The following FMN1 variants were observed in gnomAD, a reference collection of about 807,000 sequenced individuals.
FMN1 encodes the protein formin 1.
A neutral mutation model predicts 132.4 loss-of-function variants in FMN1; 110 were observed. That is an observed-to-expected ratio of 0.83 (90% CI 0.71 to 0.97). The LOEUF (loss-of-function observed/expected upper bound fraction) is 0.97, where lower values mean the gene tolerates loss of function less well. Ranked by LOEUF, FMN1 falls within the 50% of genes least tolerant of loss-of-function variation. The pLI is 0.00. For missense variants in FMN1, 1,792 were observed against 1,705.3 expected (o/e 1.05, Z -0.90); for synonymous variants, 722 against 651.7 (o/e 1.11, Z -1.64).
chr15:33,178,738 T>A (rs982950226), intron 3 of FMN1, among the ~76,000 whole-genome samples: 5 of 152,226 alleles, frequency 3.3e-5, no homozygotes, highest in Admixed American at 3.3e-4. Context: ...CAGTGACTGG[T>A]ACATAGTAAG....
intron 17 of FMN1, among the ~76,000 whole-genome samples, chr15:32,850,008 CG>C (rs1282717574): frequency 5.3e-5 from 8 of 152,148 alleles, no homozygotes; most frequent in African/African-American, 1.9e-4. Context: ...TTAAGTGATC[CG>C]GAAGTCACAA....
intron 4 of FMN1, among the ~76,000 whole-genome samples, chr15:33,128,851 A>G (rs569365257): frequency 2.0e-5 from 3 of 152,370 alleles, no homozygotes; most frequent in Admixed American, 6.5e-5. Context: ...AGACAACCGG[A>G]GCAGACTGCA....
At chr15:33,072,511 G>C (rs950532527) in intron 5 of FMN1, among the ~76,000 whole-genome samples, 3 of 152,214 alleles carry the variant, frequency 2.0e-5, no homozygotes, top group African/African-American at 7.2e-5. Context: ...ACTTAAAAAT[G>C]TGAGCATAGT....
chr15:32,792,210 C>A (rs1319311639), intron 19 of FMN1, among the ~76,000 whole-genome samples: 1 of 145,442 alleles, frequency 6.9e-6, no homozygotes, highest in Non-Finnish European at 1.5e-5. Flanking sequence ...GAGGCCGAGG[C>A]GGGCAGATCA....
chr15:32,827,984 T>C (rs1299674274), intron 17 of FMN1, among the ~76,000 whole-genome samples: 1 of 151,760 alleles, frequency 6.6e-6, no homozygotes, highest in Non-Finnish European at 1.5e-5. Context: ...CTGAATAATG[T>C]ATAGTGGTTA....
At chr15:33,161,933 A>G (rs868260520) in intron 3 of FMN1, among the ~76,000 whole-genome samples, 1 of 3,920 alleles carries the variant, frequency 2.6e-4, no homozygotes, top group Non-Finnish European at 9.1e-4. Context: ...ACAAAAAAGA[A>G]AAAAAAAAAA....
rs954546721 is a variant in FMN1, at chr15:32,934,556, G to A, written c.3139-8295C>T. ...ACACCCTACACTTTTATTTATCTAC[G>A]AACATCTATTTCTCTTTTGTTTCTG... On this transcript the variant is annotated intron_variant, in intron 9 of 20. Coordinates refer to ENST00000616417, the MANE Select transcript of FMN1 (RefSeq NM_001277313.2). Among the ~76,000 whole-genome samples the A allele has an allele frequency of 9.4e-5, 14 of 148,818 alleles. No homozygotes were observed. The East Asian group carries it at 1.4e-3, about 15-fold the overall frequency.
In FMN1 at chr15:33,081,732, G is replaced by A. The variant is rs577302092; in HGVS notation, c.2043+7067C>T. 3.9e-5 allele frequency among the ~76,000 whole-genome samples: 6 copies of A among 152,132 alleles called. No homozygotes were observed. The East Asian group carries it at 5.8e-4, about 15-fold the overall frequency. ...TCAGATCTGGGTTTAAATCCTGCCC[G>A]TGCCCTTGCTGATTTGTACAGTATG... On this transcript the variant is annotated intron_variant, in intron 5 of 20. Coordinates refer to ENST00000616417, the MANE Select transcript of FMN1 (RefSeq NM_001277313.2).
rs577281878 is a variant in FMN1 at position 32,815,135 on chromosome 15, G to A, written c.3929-10803C>T. ...TTTTTTGTATTTTTAGTAGAGATGGGGTTTCCCCGTGTTAGCCAGGATGGT... is the reference window on the plus strand; with the variant it reads ...TTTTTTGTATTTTTAGTAGAGATGGAGTTTCCCCGTGTTAGCCAGGATGGT... On this transcript the variant is annotated intron_variant, in intron 17 of 20. Transcript: ENST00000616417. Among the ~76,000 whole-genome samples, 23 of 152,138 alleles carry A rather than the reference G, an allele frequency of 1.5e-4. No homozygotes were observed. In the East Asian group the frequency reaches 4.2e-3, roughly 28 times the overall value.
At chr15:33,107,176 A>G (rs943530157) in intron 4 of FMN1, among the ~76,000 whole-genome samples, 4 of 152,018 alleles carry the variant, frequency 2.6e-5, no homozygotes, top group Non-Finnish European at 5.9e-5. Flanking sequence ...AAATTTTATA[A>G]GCAAGACCTG....
chr15:32,859,801 C>T (rs1348463500), intron 16 of FMN1, among the ~76,000 whole-genome samples: 1 of 152,108 alleles, frequency 6.6e-6, no homozygotes, highest in African/African-American at 2.4e-5. Context: ...CTTTGAGAGG[C>T]CTTGGTGGGA....
intron 3 of FMN1, among the ~76,000 whole-genome samples, chr15:33,173,091 C>G (rs1232369895): frequency 6.6e-6 from 1 of 152,016 alleles, no homozygotes; most frequent in African/African-American, 2.4e-5. Context: ...TCATGGTGAC[C>G]CCTGTGCCTG....
At chr15:32,932,170 A>G (rs1596301313) in intron 9 of FMN1, among the ~76,000 whole-genome samples, 1 of 152,084 alleles carries the variant, frequency 6.6e-6, no homozygotes, top group Non-Finnish European at 1.5e-5. Context: ...AGGCCGAGGT[A>G]GGCGGATCAC....
intron 6 of FMN1, among the ~76,000 whole-genome samples, chr15:33,021,773 G>C (rs1186498407): frequency 6.6e-6 from 1 of 152,106 alleles, no homozygotes; most frequent in Non-Finnish European, 1.5e-5. Context: ...TGTTACCCTT[G>C]TTTTATGTTC....
chr15:32,930,764 A>C (rs183714521), intron 9 of FMN1, among the ~76,000 whole-genome samples: 285 of 152,150 alleles, frequency 1.9e-3, no homozygotes, highest in Non-Finnish European at 3.3e-3. Flanking sequence ...CCAGGAAACA[A>C]CTGCCAAAAT....
chr15:32,794,770 A>T (rs1318627852), intron 19 of FMN1, among the ~76,000 whole-genome samples: 2 of 152,226 alleles, frequency 1.3e-5, no homozygotes, highest in African/African-American at 2.4e-5. Flanking sequence ...AAAAGGTAAA[A>T]GTGAGGCAAA....
At chr15:33,063,705 A>G (rs1414352259) in intron 6 of FMN1, 1 of 152,126 alleles carries the variant, frequency 6.6e-6, no homozygotes, top group African/African-American at 2.4e-5. Context: ...GGTTTAGGAA[A>G]TTTTCCATTC....
intron 10 of FMN1, among the ~76,000 whole-genome samples, chr15:32,924,336 T>C (rs764438105): frequency 2.0e-5 from 3 of 152,206 alleles, no homozygotes; most frequent in Non-Finnish European, 4.4e-5. Flanking sequence ...GATGTTTTAG[T>C]TTTTTGTGGA....
At chr15:33,097,352 A>G (rs918129855) in intron 4 of FMN1, among the ~76,000 whole-genome samples, 1 of 152,026 alleles carries the variant, frequency 6.6e-6, no homozygotes, top group African/African-American at 2.4e-5. Flanking sequence ...AAGGAGCAGA[A>G]AAATACTTAA....
Sources: allele counts gnomAD v4.1 joint callset (sites outside exome capture counted in the v4.1 genomes callset), GRCh38; gene constraint gnomAD v4.1.1; transcripts MANE v1.5; gene names NCBI Gene and HGNC (gene_info 2026-07-23, HGNC 2026-07-21).